CCN5: variants seen among roughly 807,000 people sequenced by gnomAD.
CCN5 encodes the protein CCN family member 5.
A neutral mutation model predicts 18.7 loss-of-function variants in CCN5; 17 were observed. The observed-to-expected ratio is 0.91, with a 90% CI of 0.62 to 1.36. The LOEUF (loss-of-function observed/expected upper bound fraction) is 1.36, where lower values mean the gene tolerates loss of function less well. CCN5 is among the 40% of genes most tolerant of loss of function. The pLI is 0.00. For missense variants in CCN5, 367 were observed against 342.9 expected (o/e 1.07, Z -0.56); for synonymous variants, 135 against 145.2 (o/e 0.93, Z 0.50).
chr20:44,717,273 C>T (rs558641304), intron 1 of CCN5, among the ~76,000 whole-genome samples: 1 of 152,328 alleles, frequency 6.6e-6, no homozygotes, highest in Non-Finnish European at 1.5e-5. Flanking sequence ...ACATGACATA[C>T]ATATGGTATC....
In CCN5 at chr20:44,727,235, C is replaced by T; in HGVS notation, c.681C>T (p.Thr227=). 6.2e-7 allele frequency: 1 copy of T among 1,613,738 alleles called. No homozygotes were observed. Among genetic ancestry groups the T allele is most frequent in the Non-Finnish European group, 8.5e-7 (1 of 1,180,004 alleles). Residue 227 remains threonine, a synonymous_variant, in exon 4 of 4, where the codon ACC becomes ACT. Coordinates refer to ENST00000190983, the MANE Select transcript of CCN5 (RefSeq NM_003881.4). ...SNQNRFCRLE[T]QRRLCLSRPC... is the part of the protein sequence containing the mutation. ...AGAACCGCTTCTGCCGACTGGAGACCCAGCGCCGCCTGTGCCTGTCCAGGC... is the reference window on the plus strand; with the variant it reads ...AGAACCGCTTCTGCCGACTGGAGACTCAGCGCCGCCTGTGCCTGTCCAGGC...
chr20:44,720,329 A>G, intron 2 of CCN5: 3 of 567,930 alleles, frequency 5.3e-6, no homozygotes, highest in African/African-American at 1.9e-5. Context: ...TACCCCAATA[A>G]CCTTTCCCCA....
intron 3 of CCN5, among the ~76,000 whole-genome samples, chr20:44,725,538 C>T (rs528182816): frequency 7.1e-4 from 108 of 151,948 alleles, no homozygotes; most frequent in African/African-American, 2.6e-3. Context: ...TAATTTAAAA[C>T]CATAAATAAT....
intron 2 of CCN5, chr20:44,720,616 C>T (rs1483981488): frequency 5.8e-6 from 1 of 171,396 alleles, no homozygotes; most frequent in Non-Finnish European, 1.2e-5. Context: ...GGTTCACCAG[C>T]ATTAAGGGAC....
In CCN5 at chr20:44,727,368, G is replaced by T. The variant is rs773791388; in HGVS notation, c.*61G>T. The T allele has an allele frequency of 3.0e-5, 46 of 1,522,954 alleles. No homozygotes were observed. Among genetic ancestry groups the T allele is most frequent in the Non-Finnish European group, 3.9e-5 (44 of 1,132,342 alleles). The allele number at this position is 1,522,954 out of a possible 1,614,324, so 94.3% of individuals were successfully genotyped here. ...CCCCAGCTGGTGGCCCTGTGCCTGG[G>T]CCCTGGGCTGATGGAAGATGGTCCG... On this transcript the variant is annotated 3_prime_UTR_variant, in exon 4 of 4. Coordinates refer to ENST00000190983, the MANE Select transcript of CCN5 (RefSeq NM_003881.4).
chr20:44,718,728 C>A (rs1032610542), intron 1 of CCN5, among the ~76,000 whole-genome samples: 2 of 152,174 alleles, frequency 1.3e-5, no homozygotes, highest in Non-Finnish European at 2.9e-5. Context: ...AGCCCTGAAT[C>A]GAACACACTG....
At chr20:44,726,369 C>G (rs182643608) in intron 3 of CCN5, among the ~76,000 whole-genome samples, 151 of 152,260 alleles carry the variant, frequency 9.9e-4, no homozygotes, top group African/African-American at 3.4e-3. Flanking sequence ...CATGCATACA[C>G]AGCACACACA....
intron 2 of CCN5, 144 bp downstream of exon 2, chr20:44,720,257 G>A: frequency 2.2e-6 from 2 of 907,998 alleles, no homozygotes; most frequent in Non-Finnish European, 3.3e-6. Flanking sequence ...TGAACTTGGT[G>A]TCCCAAAGCC....
Position 44,727,559 on chromosome 20 carries a change from G to C in CCN5, c.*252G>C. ...CCTAGGAGGCTGGCCAAGGTGTCCAGGGTCCTCTAGCCCACTCCCTGCCTA... is the reference window on the plus strand; with the variant it reads ...CCTAGGAGGCTGGCCAAGGTGTCCACGGTCCTCTAGCCCACTCCCTGCCTA... On this transcript the variant is annotated 3_prime_UTR_variant, in exon 4 of 4. Transcript: ENST00000190983. The C allele has an allele frequency of 1.5e-6, 2 of 1,353,086 alleles. No individual in the cohort carries two copies. The highest frequency in any genetic ancestry group is 4.2e-5 in the South Asian group (2 of 47,418). 83.8% of individuals were successfully genotyped at this position (1,353,086 alleles called of 1,614,324 possible). A position where few individuals can be genotyped will look rare whatever the true frequency, so the allele number is the denominator to read the frequency against.
intron 1 of CCN5, among the ~76,000 whole-genome samples, chr20:44,718,613 C>A (rs1051233001): frequency 6.6e-6 from 1 of 152,160 alleles, no homozygotes; most frequent in Non-Finnish European, 1.5e-5. Context: ...TGGGCTGATA[C>A]CCTGATCCTG....
rs1255420910 is a variant in CCN5, at chr20:44,725,081, G to C, written c.532+89G>C. ...GGTGGGGTGGGGGGCGGCTTCCTGG[G>C]TACCAGGACCCAGGGACACATCAGA... On this transcript the variant is annotated intron_variant, in intron 3 of 3. Transcript: ENST00000190983. 33 of 1,422,082 alleles carry C rather than the reference G, an allele frequency of 2.3e-5. 1 individual carries two copies. 88.1% of individuals were successfully genotyped at this position (1,422,082 alleles called of 1,614,324 possible).
intron 1 of CCN5, 27 bp downstream of exon 1, chr20:44,715,477 A>T (rs1315206451): frequency 1.9e-6 from 3 of 1,575,816 alleles, no homozygotes; most frequent in Non-Finnish European, 2.6e-6. Context: ...CCTGGAATGC[A>T]CTGCTGACTA....
Position 44,727,452 on chromosome 20 carries a change from A to C in CCN5, c.*145A>C. 4 of 1,439,132 alleles carry C rather than the reference A, an allele frequency of 2.8e-6. No homozygotes were observed. The South Asian group carries it at 6.0e-5, about 22-fold the overall frequency. 89.1% of individuals were successfully genotyped at this position (1,439,132 alleles called of 1,614,324 possible). A position where few individuals can be genotyped will look rare whatever the true frequency, so the allele number is the denominator to read the frequency against. On this transcript the variant is annotated 3_prime_UTR_variant, in exon 4 of 4. Coordinates refer to ENST00000190983, the MANE Select transcript of CCN5 (RefSeq NM_003881.4). The stretch of plus-strand genomic sequence containing the variant: ...CTTGGGTCCACCATGCAGAACACCA[A>C]TATTAACACGCTGCCTGGTCTGTCT...
intron 1 of CCN5, among the ~76,000 whole-genome samples, chr20:44,718,080 G>C (rs376881584): frequency 2.0e-5 from 3 of 152,126 alleles, no homozygotes; most frequent in African/African-American, 7.2e-5. Flanking sequence ...TGAACAGCCT[G>C]CAGCGATGGG....
intron 3 of CCN5, among the ~76,000 whole-genome samples, chr20:44,725,212 C>T (rs978255209): frequency 3.3e-5 from 5 of 151,554 alleles, no homozygotes; most frequent in Non-Finnish European, 7.4e-5. Flanking sequence ...CCAAGACGGG[C>T]GGATCACCTG....
chr20:44,725,091 C>T, intron 3 of CCN5, 99 bp downstream of exon 3: 1 of 1,394,692 alleles, frequency 7.2e-7, no homozygotes, highest in Non-Finnish European at 9.4e-7. Context: ...GTACCAGGAC[C>T]CAGGGACACA....
chr20:44,726,950 G>T (rs978643447), intron 3 of CCN5, 137 bp from the exon 4 acceptor site: 5 of 857,670 alleles, frequency 5.8e-6, no homozygotes, highest in African/African-American at 1.7e-5. Context: ...CCACTGTTAA[G>T]AAATTTACAT....
chr20:44,719,480 C>T (rs1015314301), intron 1 of CCN5, among the ~76,000 whole-genome samples: 2 of 152,064 alleles, frequency 1.3e-5, no homozygotes, highest in Non-Finnish European at 2.9e-5. Flanking sequence ...CATGGTGAAA[C>T]CCCATCTCTA....
At chr20:44,715,280 CGT>C (rs71197575), upstream of CCN5, 24,876 of 765,728 alleles carry the variant, frequency 0.032, 939 homozygotes, top group Non-Finnish European at 0.035. Flanking sequence ...CGCGCGCGCG[CGT>C]GTGTACTCGT....
Sources: allele counts gnomAD v4.1 joint callset (sites outside exome capture counted in the v4.1 genomes callset), GRCh38; gene constraint gnomAD v4.1.1; transcripts MANE v1.5; gene names NCBI Gene and HGNC (gene_info 2026-07-23, HGNC 2026-07-21).